Variants in CFAP52 observed in about 807,000 individuals in gnomAD.
CFAP52 encodes the protein cilia and flagella associated protein 52.
Under a neutral mutation model 70.5 loss-of-function variants are expected in CFAP52, and 57 were observed. The observed-to-expected ratio is 0.81, with a 90% CI of 0.65 to 1.01. The LOEUF (loss-of-function observed/expected upper bound fraction) is 1.01. CFAP52 is among the 50% of genes least tolerant of loss of function. The pLI is 0.00. For synonymous variants in CFAP52, 267 were observed against 292.5 expected, an observed-to-expected ratio of 0.91 and a Z score of 0.89; for missense variants, 785 against 788.5, an observed-to-expected ratio of 1.00 and a Z score of 0.05.
intron 8 of CFAP52, 64 bp downstream of exon 8, chr17:9,612,543 A>G: frequency 1.3e-6 from 2 of 1,508,356 alleles, no homozygotes; most frequent in East Asian, 4.6e-5. Flanking sequence ...ATTTAATTTT[A>G]TGAATGCATT....
At chr17:9,615,792 ATTCTTTTT>A (rs1287528109) in intron 8 of CFAP52, among the ~76,000 whole-genome samples, 2 of 88,296 alleles carry the variant, frequency 2.3e-5, no homozygotes, top group African/African-American at 1.0e-4. Flanking sequence ...CAAAAAAAAA[ATTCTTTTT>A]TTTTTTTTTT....
At chr17:9,604,954 A>G (rs1203149176) in intron 6 of CFAP52, among the ~76,000 whole-genome samples, 1 of 152,192 alleles carries the variant, frequency 6.6e-6, no homozygotes, top group African/African-American at 2.4e-5. Context: ...TAATATTGAC[A>G]GAGATGGAGA....
At position 9,584,234 on chromosome 17, in the gene CFAP52, A is replaced by C. The variant is rs762675491; in HGVS notation, c.71-1539A>C. 3.0e-5 allele frequency: 38 copies of C among 1,268,452 alleles called. No individual in the cohort carries two copies. The African/African-American group carries it at 5.3e-4, about 18-fold the overall frequency. 78.6% of individuals were successfully genotyped at this position (1,268,452 alleles called of 1,614,324 possible). A position where few individuals can be genotyped will look rare whatever the true frequency, so the allele number is the denominator to read the frequency against. On this transcript the variant is annotated intron_variant, in intron 1 of 13. Transcript: ENST00000352665. ...TGAATAAACTACCAACTCAAGCAAA[A>C]CAATAATTACATTCAAGCATACAAA...
intron 11 of CFAP52, among the ~76,000 whole-genome samples, chr17:9,636,241 AAG>A (rs758623097): frequency 7.2e-6 from 1 of 139,392 alleles, no homozygotes; most frequent in Non-Finnish European, 1.5e-5. Flanking sequence ...GAAAGAAAGA[AAG>A]AAAGAAAGAG....
At position 9,586,526 on chromosome 17, in the gene CFAP52, T is replaced by C. The variant is rs1908485493; in HGVS notation, c.271-172T>C. Among the ~76,000 whole-genome samples, 5 of 148,436 alleles carry C rather than the reference T, an allele frequency of 3.4e-5. No individual in the cohort carries two copies. The Admixed American group carries it at 3.4e-4, about 10-fold the overall frequency. On this transcript the variant is annotated intron_variant, in intron 2 of 13. Coordinates refer to ENST00000352665, the MANE Select transcript of CFAP52 (RefSeq NM_145054.5). ...TTGCAGTGAGCAGAGATCTCGCCAT[T>C]GCACTCCAGCCTGGGCAAAAAAGAG...
intron 7 of CFAP52, among the ~76,000 whole-genome samples, chr17:9,611,479 C>A (rs2151941794): frequency 6.6e-6 from 1 of 152,130 alleles, no homozygotes; most frequent in South Asian, 2.1e-4. Flanking sequence ...CTCAGACTCC[C>A]AAGTAGCTGG....
chr17:9,607,436 ACCATCATACATTGTCAAG>A (rs1387009187), intron 6 of CFAP52, among the ~76,000 whole-genome samples: 1 of 152,210 alleles, frequency 6.6e-6, no homozygotes, highest in Non-Finnish European at 1.5e-5. Flanking sequence ...CTATAAAACA[ACCATCATACATTGTCAAG>A]CCTTTTTTTT....
At chr17:9,631,769 GTT>G (rs562813196) in intron 9 of CFAP52, among the ~76,000 whole-genome samples, 3 of 141,554 alleles carry the variant, frequency 2.1e-5, no homozygotes, top group Non-Finnish European at 1.5e-5. Context: ...GTTTTGGAAA[GTT>G]TTTTTTTTTT....
At chr17:9,622,004 TA>T (rs767149548) in intron 8 of CFAP52, among the ~76,000 whole-genome samples, 1 of 148,510 alleles carries the variant, frequency 6.7e-6, no homozygotes, top group East Asian at 2.0e-4. Flanking sequence ...TAGAGTATAA[TA>T]AAAAAATAAA....
rs80162461 is a variant in CFAP52 at position 9,643,320 on chromosome 17, C to T, written c.*122C>T. 3.3e-3 allele frequency: 2,922 copies of T among 895,468 alleles called. 72 individuals are homozygous for T. In the African/African-American group the frequency reaches 0.046, roughly 14 times the overall value. 55.5% of individuals were successfully genotyped at this position (895,468 alleles called of 1,614,324 possible). A position where few individuals can be genotyped will look rare whatever the true frequency, so the allele number is the denominator to read the frequency against. On this transcript the variant is annotated 3_prime_UTR_variant, in exon 14 of 14. Transcript: ENST00000352665. The stretch of plus-strand genomic sequence containing the variant: ...TGTTTTTGTTCTTGAGTCAATTTTT[C>T]TCTTTTTCTTTATAGAATGCATTTT...
chr17:9,581,473 G>A (rs971838658), intron 1 of CFAP52, among the ~76,000 whole-genome samples: 1 of 151,504 alleles, frequency 6.6e-6, no homozygotes, highest in African/African-American at 2.4e-5. Context: ...GCCATACAGT[G>A]TATATGATAT....
chr17:9,580,772 A>G (rs1317900488), intron 1 of CFAP52, among the ~76,000 whole-genome samples: 2 of 151,468 alleles, frequency 1.3e-5, no homozygotes, highest in African/African-American at 4.8e-5. Context: ...AAAAAAGGGT[A>G]ATATAATAAG....
intron 1 of CFAP52, among the ~76,000 whole-genome samples, chr17:9,580,274 A>G (rs149515574): frequency 3.3e-5 from 5 of 151,034 alleles, no homozygotes; most frequent in African/African-American, 1.2e-4. Flanking sequence ...TCAAGAGACC[A>G]TATTGCCCAC....
intron 1 of CFAP52, among the ~76,000 whole-genome samples, chr17:9,578,374 A>G (rs896748596): frequency 6.6e-5 from 10 of 152,188 alleles, no homozygotes; most frequent in African/African-American, 2.4e-4. Context: ...TGCCAGGAGA[A>G]CATTACTGAA....
Position 9,635,481 on chromosome 17 carries a change from G to C in CFAP52, c.1397G>C (p.Cys466Ser). Residue 466 changes from cysteine (C) to serine (S), a missense_variant, in exon 11 of 14, where the codon TGC (cysteine) becomes TCC (serine). Transcript: ENST00000352665. Reference protein sequence around the residue: ...ALKEHKSSVSCIRVKRNNEEC... With the variant: ...ALKEHKSSVSSIRVKRNNEEC... The stretch of plus-strand genomic sequence containing the variant: ...AAGGAACACAAGTCATCAGTGTCCT[G>C]CATTAGGGTGAAGAGGAACAACGAG... 2 of 1,614,206 alleles carry C rather than the reference G, an allele frequency of 1.2e-6. No individual in the cohort carries two copies. The highest frequency in any genetic ancestry group is 1.1e-5 in the South Asian group (1 of 91,080).
intron 9 of CFAP52, among the ~76,000 whole-genome samples, chr17:9,631,272 C>A (rs1287177638): frequency 6.6e-6 from 1 of 151,996 alleles, no homozygotes; most frequent in Non-Finnish European, 1.5e-5. Flanking sequence ...TCTAGCCATA[C>A]TTTCTTCTTG....
chr17:9,600,023 G>C (rs766843037), intron 5 of CFAP52, 44 bp from the exon 6 acceptor site: 2 of 1,564,928 alleles, frequency 1.3e-6, no homozygotes, highest in African/African-American at 1.4e-5. Context: ...TTACAGGCGT[G>C]AGCCACCGAG....
intron 7 of CFAP52, among the ~76,000 whole-genome samples, chr17:9,611,843 C>A (rs1909725637): frequency 6.6e-6 from 1 of 152,134 alleles, no homozygotes; most frequent in Non-Finnish European, 1.5e-5. Context: ...TTCCATAGAT[C>A]ATTTAACTAT....
At chr17:9,594,402 G>A in intron 4 of CFAP52, 81 bp downstream of exon 4, 1 of 1,525,006 alleles carries the variant, frequency 6.6e-7, no homozygotes, top group Non-Finnish European at 8.9e-7. Context: ...TTCTGATCTG[G>A]GGGAACACGT....
Sources: gnomAD v4.1 joint callset for allele counts (sites outside exome capture counted in the v4.1 genomes callset) on GRCh38, gnomAD v4.1.1 for gene constraint, MANE v1.5 for transcripts, NCBI Gene and HGNC (gene_info 2026-07-23, HGNC 2026-07-21) for gene names.